Variants in THSD7B observed in about 807,000 individuals in gnomAD.
The protein encoded by THSD7B is thrombospondin type-1 domain-containing protein 7B.
In THSD7B, 138 loss-of-function variants were observed where a neutral mutation model predicts 213.6. The ratio of observed to expected loss-of-function variants is 0.65; its 90% confidence interval spans 0.56 to 0.74. The LOEUF is 0.74. THSD7B is among the 30% of genes least tolerant of loss of function. The probability of loss-of-function intolerance (pLI) is 0.00; values close to 1 mark genes in which losing one functional copy is unlikely to be tolerated. For synonymous variants in THSD7B, 742 were observed against 687.0 expected (o/e 1.08, Z -1.25); for missense variants, 1,931 against 1,991.5 (o/e 0.97, Z 0.58).
intron 2 of THSD7B, among the ~76,000 whole-genome samples, chr2:136,924,991 T>C (rs1180021092): frequency 6.6e-6 from 1 of 152,240 alleles, no homozygotes; most frequent in South Asian, 2.1e-4. Context: ...TAAATAGAAA[T>C]GCAACTGAAT....
At chr2:137,597,876 C>G (rs1284729131) in intron 17 of THSD7B, among the ~76,000 whole-genome samples, 1 of 152,098 alleles carries the variant, frequency 6.6e-6, no homozygotes, top group East Asian at 1.9e-4. Context: ...ATTACATTCT[C>G]TATATCTAGA....
In THSD7B at chr2:136,767,456, AGTGT is replaced by A. The variant is rs6146926; in HGVS notation, c.-36+1790_-36+1793del. The stretch of plus-strand genomic sequence containing the variant: ...ATTGTTTTATTTTCTATCCCTGGGA[AGTGT>A]GTGTGTGTGTGTGTGTGTGTTGTGT... On this transcript the variant is annotated intron_variant, in intron 1 of 27. Transcript: ENST00000409968. Among the ~76,000 whole-genome samples the A allele has an allele frequency of 2.0e-4, 29 of 146,692 alleles. No homozygotes were observed. In the East Asian group the frequency reaches 2.5e-3, roughly 12 times the overall value.
chr2:137,455,893 C>T (rs920097171), intron 15 of THSD7B, among the ~76,000 whole-genome samples: 1 of 151,998 alleles, frequency 6.6e-6, no homozygotes, highest in Non-Finnish European at 1.5e-5. Context: ...ACATTAAAGC[C>T]CTGTTGGACT....
At chr2:137,442,285 A>G (rs1393563482) in intron 14 of THSD7B, among the ~76,000 whole-genome samples, 1 of 152,112 alleles carries the variant, frequency 6.6e-6, no homozygotes, top group African/African-American at 2.4e-5. Flanking sequence ...CTAACTGCTG[A>G]TCTAGCTTAA....
chr2:137,205,036 T>G (rs1490674356), intron 7 of THSD7B, among the ~76,000 whole-genome samples: 2 of 152,044 alleles, frequency 1.3e-5, no homozygotes, highest in Non-Finnish European at 2.9e-5. Context: ...CCAAAAGTTT[T>G]CTTCTGTCTA....
chr2:137,605,298 T>G (rs1291004651), intron 17 of THSD7B, among the ~76,000 whole-genome samples: 1 of 152,208 alleles, frequency 6.6e-6, no homozygotes, highest in African/African-American at 2.4e-5. Flanking sequence ...TGTATACTCC[T>G]TCACACTGGC....
chr2:137,365,653 C>T (rs1685389898), intron 12 of THSD7B, among the ~76,000 whole-genome samples: 1 of 152,184 alleles, frequency 6.6e-6, no homozygotes, highest in Non-Finnish European at 1.5e-5. Context: ...CTCATCATCA[C>T]TGGTCATCAG....
chr2:137,303,432 T>C (rs557561197), intron 12 of THSD7B, among the ~76,000 whole-genome samples: 32 of 151,972 alleles, frequency 2.1e-4, no homozygotes, highest in African/African-American at 7.7e-4. Flanking sequence ...TAAACTTGTA[T>C]TTAATCTTTT....
chr2:136,929,731 G>A (rs188657688), intron 2 of THSD7B, among the ~76,000 whole-genome samples: 6 of 152,262 alleles, frequency 3.9e-5, no homozygotes, highest in East Asian at 3.9e-4. Context: ...ACTGCAGACT[G>A]CTGGCCTATT....
chr2:137,168,554 G>A (rs1680178425), intron 6 of THSD7B, among the ~76,000 whole-genome samples: 1 of 152,182 alleles, frequency 6.6e-6, no homozygotes, highest in South Asian at 2.1e-4. Context: ...TGACTGAGGA[G>A]AGGTAATCTA....
intron 12 of THSD7B, among the ~76,000 whole-genome samples, chr2:137,362,913 C>T (rs926856453): frequency 2.0e-5 from 3 of 152,196 alleles, no homozygotes; most frequent in African/African-American, 7.2e-5. Context: ...AACTCTCCAC[C>T]TCAAATCAAC....
chr2:136,980,085 A>G (rs1474874350), intron 2 of THSD7B, among the ~76,000 whole-genome samples: 2 of 151,950 alleles, frequency 1.3e-5, no homozygotes, highest in Non-Finnish European at 2.9e-5. Flanking sequence ...TCTCTCCTGC[A>G]CCTGGAGGTA....
intron 12 of THSD7B, among the ~76,000 whole-genome samples, chr2:137,348,703 CTTTTTTTTT>C (rs80150345): frequency 1.8e-5 from 2 of 110,934 alleles, no homozygotes; most frequent in African/African-American, 3.4e-5. Flanking sequence ...CTATGAACTC[CTTTTTTTTT>C]TTTTTTTTTT....
intron 12 of THSD7B, among the ~76,000 whole-genome samples, chr2:137,351,884 C>T (rs1017900326): frequency 2.6e-5 from 4 of 152,056 alleles, no homozygotes; most frequent in Non-Finnish European, 5.9e-5. Flanking sequence ...GCTTGGGCCA[C>T]GTGCAGCCCA....
chr2:137,610,303 T>G (rs1682264296), intron 17 of THSD7B, among the ~76,000 whole-genome samples: 1 of 152,126 alleles, frequency 6.6e-6, no homozygotes, highest in African/African-American at 2.4e-5. Context: ...CCAGGTGATG[T>G]TGATGCTGCT....
chr2:137,597,389 T>A (rs116272296), intron 17 of THSD7B, among the ~76,000 whole-genome samples: 2,264 of 151,896 alleles, frequency 0.015, 55 homozygotes, highest in African/African-American at 0.051. Flanking sequence ...GCATTGGCTG[T>A]ATGAGCCAGC....
chr2:137,109,971 C>A (rs1207238306), intron 4 of THSD7B, among the ~76,000 whole-genome samples: 1 of 152,166 alleles, frequency 6.6e-6, no homozygotes, highest in East Asian at 1.9e-4. Flanking sequence ...CTAGATGGTG[C>A]TGGGCACTCT....
intron 10 of THSD7B, among the ~76,000 whole-genome samples, chr2:137,253,339 C>T (rs1294362594): frequency 6.6e-6 from 1 of 152,178 alleles, no homozygotes; most frequent in Non-Finnish European, 1.5e-5. Flanking sequence ...CTGTTCTTTA[C>T]ACCTGAAATG....
At chr2:137,556,596 T>C (rs1269586443) in intron 15 of THSD7B, among the ~76,000 whole-genome samples, 7 of 152,116 alleles carry the variant, frequency 4.6e-5, no homozygotes, top group Non-Finnish European at 1.0e-4. Flanking sequence ...ACATGCCAAA[T>C]TGTAAAGACC....
Sources: allele counts gnomAD v4.1 joint callset (sites outside exome capture counted in the v4.1 genomes callset), GRCh38; gene constraint gnomAD v4.1.1; transcripts MANE v1.5; gene names NCBI Gene and HGNC (gene_info 2026-07-23, HGNC 2026-07-21).